Variants in ANKRD50 observed in about 807,000 individuals in gnomAD.
ANKRD50 encodes ankyrin repeat domain 50, also known as ankyrin repeat domain-containing protein 50.
Under a neutral mutation model 112.0 loss-of-function variants are expected in ANKRD50, and 40 were observed. That is an observed-to-expected ratio of 0.36 (90% CI 0.28 to 0.46). The LOEUF (loss-of-function observed/expected upper bound fraction) is 0.46, where lower values mean the gene tolerates loss of function less well. Among genes scored for constraint, ANKRD50 ranks in the 20% least tolerant of loss-of-function variants. The probability of loss-of-function intolerance (pLI) is 1.00; values close to 1 mark genes in which losing one functional copy is unlikely to be tolerated. For synonymous variants in ANKRD50, 613 were observed against 619.1 expected, an observed-to-expected ratio of 0.99 and a Z score of 0.15; for missense variants, 1,487 against 1,701.7, an observed-to-expected ratio of 0.87 and a Z score of 2.22.
Position 124,670,785 on chromosome 4 carries a change from C to T in ANKRD50, c.2492G>A (p.Arg831His), listed in dbSNP as rs754837415. ...ASAQGNVEVV[R>H]TLLDRGLDEN... ...ATCTAACCCTCTATCCAGTAGAGTA[C>T]GTACCACCTCAACATTTCCTTGTGC... Residue 831 changes from arginine to histidine, a missense_variant, in exon 4 of 5, where the codon CGT (arginine) becomes CAT (histidine). Physicochemically the swap from Arg to His is conservative, Grantham distance 29 (BLOSUM62 0). Coordinates refer to ENST00000504087, the MANE Select transcript of ANKRD50 (RefSeq NM_020337.3). The T allele has an allele frequency of 1.7e-5, 28 of 1,613,782 alleles. No homozygotes were observed. The highest frequency in any genetic ancestry group is 1.2e-4 in the South Asian group (11 of 91,088).
intron 2 of ANKRD50, among the ~76,000 whole-genome samples, chr4:124,697,577 T>C (rs1424642350): frequency 6.6e-6 from 1 of 152,172 alleles, no homozygotes; most frequent in Non-Finnish European, 1.5e-5. Context: ...CCCCTTCCAC[T>C]TCTCTGCCAT....
At chr4:124,694,917 T>C (rs1370572445) in intron 2 of ANKRD50, among the ~76,000 whole-genome samples, 1 of 152,000 alleles carries the variant, frequency 6.6e-6, no homozygotes, top group African/African-American at 2.4e-5. Context: ...AAACTTACAA[T>C]GCCGAGAAAG....
At chr4:124,709,511 A>C (rs998253875) in intron 2 of ANKRD50, among the ~76,000 whole-genome samples, 1 of 152,120 alleles carries the variant, frequency 6.6e-6, no homozygotes, top group Non-Finnish European at 1.5e-5. Context: ...ATAAATCCCA[A>C]AACTCATCAG....
Position 124,670,396 on chromosome 4 carries a change from T to C in ANKRD50, c.2881A>G (p.Met961Val), listed in dbSNP as rs368801520. 1.1e-5 allele frequency: 18 copies of C among 1,613,764 alleles called. No homozygotes were observed. Among genetic ancestry groups the C allele is most frequent in the Non-Finnish European group, 1.4e-5 (16 of 1,179,904 alleles). ...YILALENQLT[M>V]AEYFLENGAN... is the part of the protein sequence containing the mutation. ...CCATTTTCTAAAAAATATTCGGCCATTGTAAGCTGATTTTCTAAGGCCAAG... is the reference window on the plus strand; with the variant it reads ...CCATTTTCTAAAAAATATTCGGCCACTGTAAGCTGATTTTCTAAGGCCAAG... Residue 961 changes from methionine (M) to valine (V), a missense_variant, in exon 4 of 5, where the codon ATG becomes GTG. By Grantham distance (21) the Met-to-Val change is conservative (BLOSUM62 1). This residue lies in a region of ANKRD50 where 1,046 missense variants were observed against 1,269.5 expected (regional missense o/e 0.82). Coordinates refer to ENST00000504087, the MANE Select transcript of ANKRD50 (RefSeq NM_020337.3).
intron 2 of ANKRD50, among the ~76,000 whole-genome samples, chr4:124,688,491 CA>C (rs1263774360): frequency 6.6e-6 from 1 of 152,092 alleles, no homozygotes; most frequent in Non-Finnish European, 1.5e-5. Context: ...ACTCTACAAA[CA>C]GTAAATTTTA....
chr4:124,711,569 AAC>A, intron 1 of ANKRD50, among the ~76,000 whole-genome samples: 1 of 152,152 alleles, frequency 6.6e-6, no homozygotes, highest in Admixed American at 6.5e-5. Context: ...CACATACAGT[AAC>A]ACCCTTAACT....
At chr4:124,672,751 T>C (rs1730692623) in intron 3 of ANKRD50, among the ~76,000 whole-genome samples, 1 of 152,076 alleles carries the variant, frequency 6.6e-6, no homozygotes, top group Admixed American at 6.6e-5. Context: ...ACCTACAAAT[T>C]GAACTACTTA....
chr4:124,681,135 T>C (rs928888559), intron 2 of ANKRD50, among the ~76,000 whole-genome samples: 1 of 151,794 alleles, frequency 6.6e-6, no homozygotes, highest in Non-Finnish European at 1.5e-5. Flanking sequence ...ATGAGGCCAA[T>C]GCTTAGAACT....
At chr4:124,708,299 C>T (rs1475298866) in intron 2 of ANKRD50, among the ~76,000 whole-genome samples, 1 of 152,062 alleles carries the variant, frequency 6.6e-6, no homozygotes, top group Non-Finnish European at 1.5e-5. Context: ...TCTCACATGC[C>T]ACAGGCATCA....
At position 124,710,390 on chromosome 4, in the gene ANKRD50, C is replaced by G. The variant is rs1354125420; in HGVS notation, c.122G>C (p.Ser41Thr). The G allele has an allele frequency of 6.2e-6, 10 of 1,614,218 alleles. No homozygotes were observed. The highest frequency in any genetic ancestry group is 8.5e-6 in the Non-Finnish European group (10 of 1,180,036). Residue 41 changes from serine to threonine, a missense_variant, in exon 2 of 5, where the codon AGT (serine) becomes ACT (threonine). Ser to Thr is a moderately conservative substitution (Grantham distance 58). Transcript: ENST00000504087. ...ATTGACAGCACTATTGCAGCAGTTA[C>G]TTTTCTCCTGGAGGCAATGCTGAAG... Reference protein sequence around the residue: ...HKLQHCLQEKSNCCNSAVNAP... With the variant: ...HKLQHCLQEKTNCCNSAVNAP...
In ANKRD50 at chr4:124,670,536, C is replaced by A; in HGVS notation, c.2741G>T (p.Arg914Ile). 1 of 1,613,342 alleles carries A rather than the reference C, an allele frequency of 6.2e-7. No homozygotes were observed. The highest frequency in any genetic ancestry group is 8.5e-7 in the Non-Finnish European group (1 of 1,179,770). The change falls in exon 4 of 5, where the codon AGA becomes ATA. Residue 914 changes from arginine (R) to isoleucine (I), a missense_variant. By Grantham distance (97) the Arg-to-Ile change is moderately conservative. Coordinates refer to ENST00000504087, the MANE Select transcript of ANKRD50 (RefSeq NM_020337.3). Reference protein sequence around the residue: ...SNIDQRGYDGRNALRVAALEG... With the variant: ...SNIDQRGYDGINALRVAALEG... ...TAATGCAGCAACCCGCAGTGCATTT[C>A]TTCCATCATAACCTCTTTGATCAAT... is the stretch of plus-strand genomic sequence containing the variant.
At chr4:124,692,553 C>A (rs1244860780) in intron 2 of ANKRD50, among the ~76,000 whole-genome samples, 2 of 152,136 alleles carry the variant, frequency 1.3e-5, no homozygotes, top group Non-Finnish European at 2.9e-5. Flanking sequence ...AAAATCCTAA[C>A]CCCCAATGTG....
At chr4:124,674,850 G>A (rs1396024541) in intron 3 of ANKRD50, among the ~76,000 whole-genome samples, 2 of 151,798 alleles carry the variant, frequency 1.3e-5, no homozygotes, top group East Asian at 1.9e-4. Flanking sequence ...TACCAATGAT[G>A]GTTATAATAG....
chr4:124,665,489 G>A lies in ANKRD50; in HGVS notation c.*2029C>T, dbSNP rs539541958. Reference sequence around the variant, plus strand: ...TAATAGAAAAACTGGCAGCTTTCAGGGTTCTCTTTCTAAAGAAAATTACAT... The same window carrying A: ...TAATAGAAAAACTGGCAGCTTTCAGAGTTCTCTTTCTAAAGAAAATTACAT... On this transcript the variant is annotated 3_prime_UTR_variant, in exon 5 of 5. Transcript: ENST00000504087. 1.6e-4 allele frequency: 25 copies of A among 152,022 alleles called. No homozygotes were observed. The highest frequency in any genetic ancestry group is 6.1e-4 in the African/African-American group (25 of 41,244). The allele number at this position is 152,022 out of a possible 1,614,324, so 9.4% of individuals were successfully genotyped here.
chr4:124,676,939 G>A (rs927055676), intron 3 of ANKRD50, among the ~76,000 whole-genome samples: 1 of 151,578 alleles, frequency 6.6e-6, no homozygotes, highest in Non-Finnish European at 1.5e-5. Flanking sequence ...CAGTAAACAA[G>A]AAGTACAAAT....
At chr4:124,683,046 AT>A (rs558253230) in intron 2 of ANKRD50, among the ~76,000 whole-genome samples, 205 of 151,926 alleles carry the variant, frequency 1.3e-3, no homozygotes, top group Non-Finnish European at 2.6e-3. Flanking sequence ...TATAAATTTT[AT>A]ATATATACAC....
At chr4:124,676,281 T>C (rs1220913461) in intron 3 of ANKRD50, among the ~76,000 whole-genome samples, 1 of 151,718 alleles carries the variant, frequency 6.6e-6, no homozygotes, top group East Asian at 1.9e-4. Context: ...TTTTGGTTTA[T>C]ATCACTGACA....
At chr4:124,711,911 G>C (rs1181913860) in intron 1 of ANKRD50, among the ~76,000 whole-genome samples, 1 of 152,188 alleles carries the variant, frequency 6.6e-6, no homozygotes. Context: ...GGCTGCTAGA[G>C]AGAAATTCCT....
At position 124,671,321 on chromosome 4, in the gene ANKRD50, T is replaced by A; in HGVS notation, c.1956A>T (p.Ala652=). 6.2e-7 allele frequency: 1 copy of A among 1,613,802 alleles called. No homozygotes were observed. Among genetic ancestry groups the A allele is most frequent in the Non-Finnish European group, 8.5e-7 (1 of 1,179,796 alleles). The change falls in exon 4 of 5, where the codon GCA becomes GCT. Residue 652 remains alanine (A), a synonymous_variant. Coordinates refer to ENST00000504087, the MANE Select transcript of ANKRD50 (RefSeq NM_020337.3). ...ADSRTALRAA[A]WGGHEDIVLN... is the part of the protein sequence containing the mutation. ...GTACAATATCCTCGTGTCCTCCCCA[T>A]GCTGCTGCTCTCAAAGCTGTTCGGC...
Sources: allele counts gnomAD v4.1 joint callset (sites outside exome capture counted in the v4.1 genomes callset), GRCh38; gene constraint gnomAD v4.1.1; regional missense constraint gnomAD v4.1.1; transcripts MANE v1.5; gene names NCBI Gene and HGNC (gene_info 2026-07-23, HGNC 2026-07-21).